ANTXR1: variants seen among roughly 807,000 people sequenced by gnomAD.
The protein encoded by ANTXR1 is anthrax toxin receptor 1.
A neutral mutation model predicts 78.1 loss-of-function variants in ANTXR1; 19 were observed. The observed-to-expected ratio is 0.24, with a 90% CI of 0.17 to 0.36. The LOEUF (loss-of-function observed/expected upper bound fraction) is 0.36. Among genes scored for constraint, ANTXR1 ranks in the 10% least tolerant of loss-of-function variants. ANTXR1 has a pLI of 1.00. For missense variants in ANTXR1, 518 were observed against 718.6 expected, an observed-to-expected ratio of 0.72 and a Z score of 3.19; for synonymous variants, 273 against 260.5, an observed-to-expected ratio of 1.05 and a Z score of -0.46.
At chr2:69,215,983 A>T (rs1675164321) in intron 17 of ANTXR1, among the ~76,000 whole-genome samples, 1 of 152,178 alleles carries the variant, frequency 6.6e-6, no homozygotes, top group South Asian at 2.1e-4. Flanking sequence ...GTACAGGAAC[A>T]CTGTCAGGGG....
chr2:69,070,288 C>T (rs1372589512), intron 3 of ANTXR1, among the ~76,000 whole-genome samples: 2 of 152,184 alleles, frequency 1.3e-5, no homozygotes, highest in South Asian at 4.1e-4. Context: ...CTCTTTCTGG[C>T]TCACATGAGC....
intron 17 of ANTXR1, among the ~76,000 whole-genome samples, chr2:69,209,154 T>G (rs1400739484): frequency 1.3e-5 from 2 of 152,250 alleles, no homozygotes; most frequent in Non-Finnish European, 2.9e-5. Context: ...TTTAAAACCT[T>G]GTTCTAAGTA....
chr2:69,029,733 A>C (rs1049964422), intron 1 of ANTXR1, among the ~76,000 whole-genome samples: 2 of 152,114 alleles, frequency 1.3e-5, no homozygotes, highest in African/African-American at 4.8e-5. Context: ...TTAAAATTGT[A>C]TTACTTACTG....
intron 10 of ANTXR1, among the ~76,000 whole-genome samples, chr2:69,108,907 A>G (rs758754495): frequency 2.6e-5 from 4 of 152,218 alleles, no homozygotes; most frequent in Non-Finnish European, 5.9e-5. Context: ...TAATTTAATC[A>G]AATTTGTAAA....
chr2:69,182,409 CA>C, intron 15 of ANTXR1, 83 bp from the exon 16 acceptor site: 2 of 1,496,362 alleles, frequency 1.3e-6, no homozygotes, highest in African/African-American at 2.8e-5. Flanking sequence ...ATTCACATTG[CA>C]ACTCATGCAT....
In ANTXR1 at chr2:69,181,828, G is replaced by C; in HGVS notation, c.1132G>C (p.Val378Leu). ...DGLPKKKWPT[V>L]DASYYGGRGV... ...TCTGCCTAAGAAAAAGTGGCCAACGGTAGACGCCTCTTATTATGGTGGGAG... is the reference window on the plus strand; with the variant it reads ...TCTGCCTAAGAAAAAGTGGCCAACGCTAGACGCCTCTTATTATGGTGGGAG... The change falls in exon 15 of 18, where the codon GTA (valine) becomes CTA (leucine). Residue 378 changes from valine to leucine, a missense_variant. By Grantham distance (32) the Val-to-Leu change is conservative. Around this residue, in one of 5 missense-constraint regions of ANTXR1, gnomAD observed 264 missense variants for 391.8 expected, o/e 0.67. Coordinates refer to ENST00000303714, the MANE Select transcript of ANTXR1 (RefSeq NM_032208.3). 1 of 1,614,152 alleles carries C rather than the reference G, an allele frequency of 6.2e-7. No homozygotes were observed. Among genetic ancestry groups the C allele is most frequent in the Non-Finnish European group, 8.5e-7 (1 of 1,180,024 alleles).
Position 69,040,063 on chromosome 2 carries a change from C to T in ANTXR1, c.172C>T (p.His58Tyr), listed in dbSNP as rs925566851. 6.2e-7 allele frequency: 1 copy of T among 1,613,344 alleles called. No homozygotes were observed. Among genetic ancestry groups the T allele is most frequent in the Non-Finnish European group, 8.5e-7 (1 of 1,179,516 alleles). The change falls in exon 2 of 18, where the codon CAC becomes TAC. Residue 58 changes from histidine (H) to tyrosine (Y), a missense_variant. Coordinates refer to ENST00000303714, the MANE Select transcript of ANTXR1 (RefSeq NM_032208.3). ...TCCTAGATCAGGAAGTGTGCTGCAC[C>T]ACTGGAATGAAATCTATTACTTTGT... is the stretch of plus-strand genomic sequence containing the variant. The part of the protein sequence containing the change: ...ILDKSGSVLH[H>Y]WNEIYYFVEQ...
At chr2:69,023,223 A>G (rs1447132870) in intron 1 of ANTXR1, among the ~76,000 whole-genome samples, 1 of 152,238 alleles carries the variant, frequency 6.6e-6, no homozygotes, top group Non-Finnish European at 1.5e-5. Context: ...AAAACCTTTA[A>G]TTAACCATTT....
At chr2:69,178,721 C>CT (rs1674197147) in intron 14 of ANTXR1, among the ~76,000 whole-genome samples, 1 of 152,196 alleles carries the variant, frequency 6.6e-6, no homozygotes, top group African/African-American at 2.4e-5. Flanking sequence ...GTAAATCCTT[C>CT]TTTAAGTTCT....
At chr2:69,153,761 A>C (rs1673458931) in intron 13 of ANTXR1, among the ~76,000 whole-genome samples, 2 of 152,242 alleles carry the variant, frequency 1.3e-5, no homozygotes. Context: ...TGGTAGCAGC[A>C]GGCAGTGAAC....
Position 69,013,725 on chromosome 2 carries a change from T to A in ANTXR1, c.152+74T>A. 6.5e-7 allele frequency: 1 copy of A among 1,550,070 alleles called. No individual in the cohort carries two copies. The highest frequency in any genetic ancestry group is 1.2e-5 in the South Asian group (1 of 83,992). On this transcript the variant is annotated intron_variant, in intron 1 of 17. Transcript: ENST00000303714. This position sits in a 1 kb window ranked among gnomAD's most constrained non-coding sequence, Gnocchi z 5.0. ...CGCTTTCGCCCCGGGCCGGGCTCGT[T>A]GGCAGGGTCGCCTGGGGACAGGAGC...
At chr2:69,043,307 A>T (rs755174568) in intron 2 of ANTXR1, among the ~76,000 whole-genome samples, 1 of 152,212 alleles carries the variant, frequency 6.6e-6, no homozygotes, top group Non-Finnish European at 1.5e-5. Flanking sequence ...AACTATCAGG[A>T]TTGGTACTAT....
intron 13 of ANTXR1, among the ~76,000 whole-genome samples, chr2:69,157,432 A>T (rs1180595999): frequency 1.3e-5 from 2 of 152,094 alleles, no homozygotes; most frequent in Non-Finnish European, 2.9e-5. Context: ...GGACCAATGG[A>T]CATCTCAAAT....
At chr2:69,181,764 A>G in intron 14 of ANTXR1, 22 bp from the exon 15 acceptor site, 1 of 1,613,246 alleles carries the variant, frequency 6.2e-7, no homozygotes, top group Non-Finnish European at 8.5e-7. Context: ...TGCTTCCTTC[A>G]TGTGCCACAA....
At chr2:69,159,291 A>G (rs889336646) in intron 13 of ANTXR1, among the ~76,000 whole-genome samples, 1 of 152,170 alleles carries the variant, frequency 6.6e-6, no homozygotes, top group Non-Finnish European at 1.5e-5. Context: ...AAAAGTTCTG[A>G]GCAGGGCACA....
intron 13 of ANTXR1, among the ~76,000 whole-genome samples, chr2:69,167,515 G>A (rs972085114): frequency 2.6e-5 from 4 of 152,186 alleles, no homozygotes; most frequent in South Asian, 2.1e-4. Context: ...GCCCACTCAC[G>A]GACAGCCTAT....
Position 69,248,081 on chromosome 2 carries a change from G to A in ANTXR1, c.*2596G>A. On this transcript the variant is annotated 3_prime_UTR_variant, in exon 18 of 18. Coordinates refer to ENST00000303714, the MANE Select transcript of ANTXR1 (RefSeq NM_032208.3). ...AGTGGGCTATTACAGGCAGGAAAAT[G>A]TTTTAACTGGTTTACAAAATCCATC... The A allele has an allele frequency of 6.0e-6, 1 of 166,994 alleles. No individual in the cohort carries two copies. 10.3% of individuals were successfully genotyped at this position (166,994 alleles called of 1,614,324 possible). A position where few individuals can be genotyped will look rare whatever the true frequency, so the allele number is the denominator to read the frequency against.
chr2:69,039,820 TGGG>T (rs1669560074), intron 1 of ANTXR1, among the ~76,000 whole-genome samples: 2 of 149,832 alleles, frequency 1.3e-5, no homozygotes, highest in African/African-American at 4.9e-5. Flanking sequence ...GGATTTGGGG[TGGG>T]GGCAGTGCGA....
intron 17 of ANTXR1, among the ~76,000 whole-genome samples, chr2:69,228,179 A>G (rs72903155): frequency 0.012 from 1,770 of 152,338 alleles, 37 homozygotes; most frequent in African/African-American, 0.041. Flanking sequence ...GGAGAGGCAC[A>G]TAGGACAAGT....
Sources: allele counts gnomAD v4.1 joint callset (sites outside exome capture counted in the v4.1 genomes callset), GRCh38; gene constraint gnomAD v4.1.1; regional missense constraint gnomAD v4.1.1; non-coding constraint Gnocchi (gnomAD v3.1); transcripts MANE v1.5; gene names NCBI Gene and HGNC (gene_info 2026-07-23, HGNC 2026-07-21).